Variants in SLC2A8 observed in about 807,000 individuals in gnomAD.
SLC2A8 encodes solute carrier family 2 member 8.
In SLC2A8, 53 loss-of-function variants were observed where a neutral mutation model predicts 49.2. That is an observed-to-expected ratio of 1.08 (90% CI 0.86 to 1.35). The LOEUF (loss-of-function observed/expected upper bound fraction) is 1.35, where lower values mean the gene tolerates loss of function less well. Ranked by LOEUF, SLC2A8 falls within the 40% of genes most tolerant of loss-of-function variation. The probability of loss-of-function intolerance (pLI) is 0.00; values close to 1 mark genes in which losing one functional copy is unlikely to be tolerated. For synonymous variants in SLC2A8, 299 were observed against 297.0 expected (o/e 1.01, Z -0.07); for missense variants, 688 against 671.7 (o/e 1.02, Z -0.27).
At chr9:127,403,626 G>A in intron 5 of SLC2A8, 34 bp from the exon 6 acceptor site, 2 of 1,611,752 alleles carry the variant, frequency 1.2e-6, no homozygotes, top group Non-Finnish European at 1.7e-6. Flanking sequence ...GGAGGGGAGA[G>A]AGAAATCCTG....
rs72767905 is a variant in SLC2A8 at position 127,404,682 on chromosome 9, C to T, written c.977-136C>T. The stretch of plus-strand genomic sequence containing the variant: ...GGCTGCCACCCAGTCAGGGCTTCTG[C>T]GGCCAAGGTGCCAGAACACCAAGCT... On this transcript the variant is annotated intron_variant, in intron 7 of 9. Transcript: ENST00000373371. 9,152 of 1,042,088 alleles carry T rather than the reference C, an allele frequency of 8.8e-3. 53 individuals are homozygous for T. Among genetic ancestry groups the T allele is most frequent in the Non-Finnish European group, 0.011 (8,052 of 741,698 alleles). The allele number at this position is 1,042,088 out of a possible 1,614,324, so 64.6% of individuals were successfully genotyped here. A position where few individuals can be genotyped will look rare whatever the true frequency, so the allele number is the denominator to read the frequency against.
chr9:127,403,136 C>T (rs957106466), intron 5 of SLC2A8: 3 of 254,160 alleles, frequency 1.2e-5, no homozygotes, highest in Non-Finnish European at 2.3e-5. Context: ...TTTGAAGCCC[C>T]CACGCTGCCC....
intron 7 of SLC2A8, chr9:127,404,456 TGAG>T: frequency 2.9e-6 from 1 of 339,924 alleles, no homozygotes; most frequent in East Asian, 5.9e-5. Context: ...AGCACCATTT[TGAG>T]GAGTGGGAGG....
Position 127,397,178 on chromosome 9 carries a change from G to C in SLC2A8, c.-53G>C. The C allele has an allele frequency of 1.4e-6, 2 of 1,429,120 alleles. No homozygotes were observed. Among genetic ancestry groups the C allele is most frequent in the Non-Finnish European group, 1.8e-6 (2 of 1,099,148 alleles). The allele number at this position is 1,429,120 out of a possible 1,614,324, so 88.5% of individuals were successfully genotyped here. A position where few individuals can be genotyped will look rare whatever the true frequency, so the allele number is the denominator to read the frequency against. On this transcript the variant is annotated 5_prime_UTR_variant, in exon 1 of 10. Coordinates refer to ENST00000373371, the MANE Select transcript of SLC2A8 (RefSeq NM_014580.5). ...GAGGCCGGTGCGGGCCGCACTCGCA[G>C]GGCCCGTGGCGGTTCAGGCGCCAGA...
In SLC2A8 at chr9:127,403,697, A is replaced by G; in HGVS notation, c.761A>G (p.Tyr254Cys). ...GCCCTGCTGCGGCAGCCCGGCATCTACAAGCCCTTCATCATCGGCGTCTCC... is the reference window on the plus strand; with the variant it reads ...GCCCTGCTGCGGCAGCCCGGCATCTGCAAGCCCTTCATCATCGGCGTCTCC... ...HLALLRQPGI[Y>C]KPFIIGVSLM... The change falls in exon 6 of 10, where the codon TAC becomes TGC. Residue 254 changes from tyrosine (Y) to cysteine (C), a missense_variant. Tyr to Cys is a radical substitution (Grantham distance 194). Transcript: ENST00000373371. 6.2e-7 allele frequency: 1 copy of G among 1,613,036 alleles called. No homozygotes were observed. The highest frequency in any genetic ancestry group is 8.5e-7 in the Non-Finnish European group (1 of 1,179,924).
Position 127,401,724 on chromosome 9 carries a change from C to T in SLC2A8, c.527-833C>T, listed in dbSNP as rs547168532. On this transcript the variant is annotated intron_variant, in intron 4 of 9. Transcript: ENST00000373371. ...TCCACAAAGTGACATGGTGGTGGCA[C>T]GTTTGCTTCACATTGGGGCAATCAT... is the stretch of plus-strand genomic sequence containing the variant. Among the ~76,000 whole-genome samples, 9 of 152,308 alleles carry T rather than the reference C, an allele frequency of 5.9e-5. No homozygotes were observed. In the South Asian group the frequency reaches 1.2e-3, roughly 21 times the overall value.
intron 8 of SLC2A8, 99 bp downstream of exon 8, chr9:127,405,090 T>C: frequency 1.5e-6 from 2 of 1,305,326 alleles, no homozygotes; most frequent in Non-Finnish European, 2.1e-6. Flanking sequence ...CAGCCTCACC[T>C]CTCCTCTCGT....
intron 4 of SLC2A8, chr9:127,402,324 G>A: frequency 1.9e-6 from 1 of 534,864 alleles, no homozygotes; most frequent in Non-Finnish European, 3.2e-6. Context: ...AACGGATGCA[G>A]CCTAGTAATG....
intron 9 of SLC2A8, among the ~76,000 whole-genome samples, 198 bp from the exon 10 acceptor site, chr9:127,406,912 TGC>T (rs1833511334): frequency 6.6e-6 from 1 of 152,228 alleles, no homozygotes; most frequent in South Asian, 2.1e-4. Context: ...TCTTGGACAG[TGC>T]TCGGCCCAAG....
In SLC2A8 at chr9:127,405,544, C is replaced by T. The variant is rs368655121; in HGVS notation, c.1275C>T (p.Thr425=). The T allele has an allele frequency of 2.1e-5, 34 of 1,613,106 alleles. No individual in the cohort carries two copies. Among genetic ancestry groups the T allele is most frequent in the Middle Eastern group, 1.6e-4 (1 of 6,084 alleles). Residue 425 remains threonine (T), a synonymous_variant, in exon 9 of 10, where the codon ACC becomes ACT. Coordinates refer to ENST00000373371, the MANE Select transcript of SLC2A8 (RefSeq NM_014580.5). ...LTNWLMAFLV[T]KEFSSLMEVL... is the part of the protein sequence containing the mutation. ...ACTGGCTCATGGCCTTTCTCGTGAC[C>T]AAGGAGTTCAGCAGCCTCATGGTGA...
At chr9:127,404,383 CTT>C in intron 7 of SLC2A8, 1 of 340,140 alleles carries the variant, frequency 2.9e-6, no homozygotes, top group East Asian at 6.1e-5. Flanking sequence ...GGACAAGTGA[CTT>C]TACCTCTCTG....
At chr9:127,402,231 T>C (rs1663198724) in intron 4 of SLC2A8, 2 of 278,742 alleles carry the variant, frequency 7.2e-6, no homozygotes, top group African/African-American at 2.2e-5. Flanking sequence ...CCACCTCTTC[T>C]ACAAATGGTG....
At position 127,402,650 on chromosome 9, in the gene SLC2A8, G is replaced by A. The variant is rs144114324; in HGVS notation, c.620G>A (p.Arg207His). The A allele has an allele frequency of 1.3e-5, 20 of 1,590,614 alleles. No homozygotes were observed. Among genetic ancestry groups the A allele is most frequent in the Middle Eastern group, 1.9e-4 (1 of 5,220 alleles). Residue 207 changes from arginine (R) to histidine (H), a missense_variant, in exon 5 of 10, where the codon CGC becomes CAC. Arg to His is a conservative substitution (Grantham distance 29). Transcript: ENST00000373371. ...LLMCFMPETP[R>H]FLLTQHRRQE... is the part of the protein sequence containing the mutation. ...ATGTGCTTCATGCCCGAGACCCCGC[G>A]CTTCCTGCTGACTCAGCACAGGCGC...
intron 4 of SLC2A8, among the ~76,000 whole-genome samples, chr9:127,401,907 T>C (rs1032436701): frequency 3.3e-5 from 5 of 152,242 alleles, no homozygotes; most frequent in African/African-American, 1.2e-4. Context: ...AGCAATGCCC[T>C]AGACTCATTT....
chr9:127,402,517 C>T, intron 4 of SLC2A8, 40 bp from the exon 5 acceptor site: 1 of 1,478,082 alleles, frequency 6.8e-7, no homozygotes, highest in South Asian at 1.3e-5. Context: ...GCTGGCTCAC[C>T]CTGGCTCTGA....
Position 127,404,828 on chromosome 9 carries a change from G to C in SLC2A8, c.987G>C (p.Met329Ile). ...CCCTCCCGCCTGCAGGTGTGGTCAT[G>C]GTGTTCAGCACGAGTGCCTTCGGCG... The part of the protein sequence containing the change: ...RLLLVLSGVV[M>I]VFSTSAFGAY... The change falls in exon 8 of 10, where the codon ATG becomes ATC. Residue 329 changes from methionine (M) to isoleucine (I), a missense_variant. Coordinates refer to ENST00000373371, the MANE Select transcript of SLC2A8 (RefSeq NM_014580.5). 1.2e-6 allele frequency: 2 copies of C among 1,611,242 alleles called. No individual in the cohort carries two copies. The highest frequency in any genetic ancestry group is 1.1e-5 in the South Asian group (1 of 91,042).
chr9:127,399,990 C>T lies in SLC2A8; in HGVS notation c.510C>T (p.Leu170=). 1 of 1,613,650 alleles carries T rather than the reference C, an allele frequency of 6.2e-7. No individual in the cohort carries two copies. The highest frequency in any genetic ancestry group is 8.5e-7 in the Non-Finnish European group (1 of 1,179,704). Residue 170 remains leucine, a synonymous_variant, in exon 4 of 10, where the codon CTC becomes CTT. Transcript: ENST00000373371. This position sits in a 1 kb window ranked among gnomAD's most constrained non-coding sequence, Gnocchi z 4.2. The part of the protein sequence containing the change: ...CVQLMVVVGI[L]LAYLAGWVLE... Reference sequence around the variant, plus strand: ...AGCTAATGGTCGTCGTCGGCATCCTCCTGGCCTACCTGGCAGGTATAGTTG... The same window carrying T: ...AGCTAATGGTCGTCGTCGGCATCCTTCTGGCCTACCTGGCAGGTATAGTTG...
At chr9:127,406,983 G>T in intron 9 of SLC2A8, 129 bp from the exon 10 acceptor site, 1 of 976,168 alleles carries the variant, frequency 1.0e-6, no homozygotes, top group Non-Finnish European at 1.5e-6. Flanking sequence ...AGATAAAATG[G>T]GTGTGGCCTT....
At position 127,405,584 on chromosome 9, in the gene SLC2A8, A is replaced by C. The variant is rs756009480; in HGVS notation, c.1296+19A>C. The C allele has an allele frequency of 6.2e-7, 1 of 1,612,594 alleles. No homozygotes were observed. The highest frequency in any genetic ancestry group is 2.2e-5 in the East Asian group (1 of 44,880). ...CCTCATGGTGAGGGCAGGCTCCACCAGCACCGCGTTCGTGCAGTCAGCCGA... is the reference window on the plus strand; with the variant it reads ...CCTCATGGTGAGGGCAGGCTCCACCCGCACCGCGTTCGTGCAGTCAGCCGA... On this transcript the variant is annotated intron_variant, in intron 9 of 9. Coordinates refer to ENST00000373371, the MANE Select transcript of SLC2A8 (RefSeq NM_014580.5).
Sources: gnomAD v4.1 joint callset for allele counts (sites outside exome capture counted in the v4.1 genomes callset) on GRCh38, gnomAD v4.1.1 for gene constraint, Gnocchi (gnomAD v3.1) non-coding constraint, MANE v1.5 for transcripts, NCBI Gene and HGNC (gene_info 2026-07-23, HGNC 2026-07-21) for gene names.